Variants in PARD3 observed in about 807,000 individuals in gnomAD.
The protein encoded by PARD3 is par-3 family cell polarity regulator, also known as partitioning defective 3 homolog.
Under a neutral mutation model 155.4 loss-of-function variants are expected in PARD3, and 75 were observed. The observed-to-expected ratio is 0.48, with a 90% confidence interval of 0.40 to 0.58. The LOEUF (loss-of-function observed/expected upper bound fraction) is 0.58. PARD3 is among the 20% of genes least tolerant of loss of function. The pLI is 0.00. For synonymous variants in PARD3, 576 were observed against 610.5 expected (o/e 0.94, Z 0.83); for missense variants, 1,642 against 1,721.7 (o/e 0.95, Z 0.82).
intron 2 of PARD3, among the ~76,000 whole-genome samples, chr10:34,577,158 C>A (rs930933241): frequency 1.3e-5 from 2 of 152,164 alleles, no homozygotes; most frequent in African/African-American, 4.8e-5. Flanking sequence ...GGAGCAGCTT[C>A]GAGCTGTAAA....
At chr10:34,411,928 G>A (rs1845117605) in intron 5 of PARD3, among the ~76,000 whole-genome samples, 4 of 39,602 alleles carry the variant, frequency 1.0e-4, no homozygotes, top group African/African-American at 2.6e-4. Context: ...TCGTGTGTGT[G>A]TGTGTGTGTG....
At chr10:34,411,753 TA>T (rs1845090982) in intron 5 of PARD3, among the ~76,000 whole-genome samples, 1 of 149,554 alleles carries the variant, frequency 6.7e-6, no homozygotes, top group Non-Finnish European at 1.5e-5. Context: ...GATAGATAGA[TA>T]GATAGATAGA....
intron 2 of PARD3, among the ~76,000 whole-genome samples, chr10:34,636,713 G>A (rs1451288240): frequency 1.3e-5 from 2 of 152,150 alleles, no homozygotes; most frequent in Non-Finnish European, 2.9e-5. Context: ...GACTGCATGC[G>A]CTCTAGGGGA....
rs58970622 is a variant in PARD3 at position 34,396,908 on chromosome 10, C to T, written c.890+2422G>A. Among the ~76,000 whole-genome samples the T allele has an allele frequency of 4.4e-3, 677 of 152,262 alleles. 5 individuals are homozygous for T. Among genetic ancestry groups the T allele is most frequent in the African/African-American group, 0.016 (645 of 41,562 alleles). ...TCACATTTAAAATCATCTTCCGCAA[C>T]AAGCCATTTTCAGTTGCCTAATTCA... On this transcript the variant is annotated intron_variant, in intron 7 of 24. Transcript: ENST00000374788.
intron 4 of PARD3, among the ~76,000 whole-genome samples, chr10:34,462,460 A>T (rs1461576300): frequency 6.6e-6 from 1 of 152,052 alleles, no homozygotes; most frequent in Non-Finnish European, 1.5e-5. Context: ...TTAAAAACGT[A>T]ATTTAGAAAT....
chr10:34,415,233 T>C (rs1461687664), intron 5 of PARD3, among the ~76,000 whole-genome samples: 2 of 152,002 alleles, frequency 1.3e-5, no homozygotes, highest in Non-Finnish European at 2.9e-5. Flanking sequence ...TTGATACCTG[T>C]TGCACAAACA....
At chr10:34,271,792 C>G (rs1309013814) in intron 21 of PARD3, among the ~76,000 whole-genome samples, 2 of 152,108 alleles carry the variant, frequency 1.3e-5, no homozygotes, top group Non-Finnish European at 2.9e-5. Flanking sequence ...AAAGAAAATT[C>G]CAAAGAATCT....
chr10:34,340,012 T>C (rs553935395), intron 16 of PARD3, among the ~76,000 whole-genome samples: 2 of 152,300 alleles, frequency 1.3e-5, no homozygotes, highest in South Asian at 2.1e-4. Context: ...TTAGGGAAGA[T>C]ATTGTCAGGC....
chr10:34,341,650 A>T lies in PARD3; in HGVS notation c.2385T>A (p.Ala795=). The T allele has an allele frequency of 6.2e-7, 1 of 1,612,826 alleles. No individual in the cohort carries two copies. The highest frequency in any genetic ancestry group is 8.5e-7 in the Non-Finnish European group (1 of 1,179,496). Residue 795 remains alanine, a synonymous_variant, in exon 16 of 25, where the codon GCT becomes GCA. Coordinates refer to ENST00000374788, the MANE Select transcript of PARD3 (RefSeq NM_001184785.2). ...VTADAGTWAK[A]AISDSADCSL... ...ACCAGTCGGCTGAATCACTGATTGC[A>T]GCCTTGGCCCAAGTACCAGCATCTG...
intron 3 of PARD3, among the ~76,000 whole-genome samples, chr10:34,513,866 A>G (rs2081550608): frequency 6.6e-6 from 1 of 152,176 alleles, no homozygotes; most frequent in Admixed American, 6.5e-5. Context: ...CCTCTACTCA[A>G]TGCCCAACTC....
Position 34,696,435 on chromosome 10 carries a change from G to A in PARD3, c.121-16C>T. On this transcript the variant is annotated splice_polypyrimidine_tract_variant and intron_variant, in intron 1 of 24. Transcript: ENST00000374788. ...AGTTTGGATCCTATACGAAAGAACA[G>A]AAACACTGAATATAGCAAGTTAGCA... 1.4e-6 allele frequency: 2 copies of A among 1,451,582 alleles called. No homozygotes were observed. The highest frequency in any genetic ancestry group is 1.9e-6 in the Non-Finnish European group (2 of 1,033,624). The allele number at this position is 1,451,582 out of a possible 1,614,324, so 89.9% of individuals were successfully genotyped here. A position where few individuals can be genotyped will look rare whatever the true frequency, so the allele number is the denominator to read the frequency against.
chr10:34,489,197 G>A (rs1409324394), intron 3 of PARD3, among the ~76,000 whole-genome samples: 1 of 152,120 alleles, frequency 6.6e-6, no homozygotes, highest in Non-Finnish European at 1.5e-5. Context: ...AATTAGTTGG[G>A]CGTGGTGGTG....
intron 2 of PARD3, among the ~76,000 whole-genome samples, chr10:34,682,789 G>A (rs1188380541): frequency 6.6e-6 from 1 of 152,196 alleles, no homozygotes; most frequent in Non-Finnish European, 1.5e-5. Flanking sequence ...TCAGGCGGCT[G>A]AGGTGGGAGC....
At chr10:34,681,800 T>TA (rs2093847784) in intron 2 of PARD3, among the ~76,000 whole-genome samples, 1 of 85,880 alleles carries the variant, frequency 1.2e-5, no homozygotes, top group African/African-American at 4.3e-5. Context: ...TTTTTTTTTT[T>TA]AAGTAAGACA....
In PARD3 at chr10:34,766,976, G is replaced by A. The variant is rs558228622; in HGVS notation, c.120+47900C>T. The stretch of plus-strand genomic sequence containing the variant: ...TCAGCGAGAAAGGAGGCATCCCAGG[G>A]AGAAGAGGTCCCACAAGCAGCACAT... On this transcript the variant is annotated intron_variant, in intron 1 of 24. Transcript: ENST00000374788. Among the ~76,000 whole-genome samples, 5 of 152,252 alleles carry A rather than the reference G, an allele frequency of 3.3e-5. No individual in the cohort carries two copies. In the East Asian group the frequency reaches 7.7e-4, roughly 23 times the overall value.
At chr10:34,697,032 G>A (rs1045625479) in intron 1 of PARD3, among the ~76,000 whole-genome samples, 36 of 143,912 alleles carry the variant, frequency 2.5e-4, no homozygotes, top group African/African-American at 7.8e-4. Context: ...ATTAAAATGC[G>A]TAAACACACA....
intron 22 of PARD3, among the ~76,000 whole-genome samples, chr10:34,135,891 T>A (rs1393740695): frequency 6.6e-6 from 1 of 152,218 alleles, no homozygotes; most frequent in East Asian, 1.9e-4. Flanking sequence ...TGCAGGTATA[T>A]GGACAACACT....
At chr10:34,598,089 T>C (rs969706030) in intron 2 of PARD3, among the ~76,000 whole-genome samples, 4 of 152,168 alleles carry the variant, frequency 2.6e-5, no homozygotes, top group African/African-American at 7.2e-5. Context: ...TAAGTGTCTA[T>C]CTGTAAGAGC....
chr10:34,759,717 C>T (rs1168986728), intron 1 of PARD3, among the ~76,000 whole-genome samples: 1 of 152,204 alleles, frequency 6.6e-6, no homozygotes, highest in Non-Finnish European at 1.5e-5. Flanking sequence ...AGGATTTCAG[C>T]CAGCATAACG....
Sources: allele counts gnomAD v4.1 joint callset (sites outside exome capture counted in the v4.1 genomes callset), GRCh38; gene constraint gnomAD v4.1.1; transcripts MANE v1.5; gene names NCBI Gene and HGNC (gene_info 2026-07-23, HGNC 2026-07-21).